LNX2: variants seen among roughly 807,000 people sequenced by gnomAD.
LNX2 encodes ligand of numb-protein X 2, also known as ligand of Numb protein X 2.
In LNX2, 35 loss-of-function variants were observed where a neutral mutation model predicts 66.2. The ratio of observed to expected loss-of-function variants is 0.53; its 90% CI spans 0.40 to 0.70. LNX2 has a LOEUF of 0.70. Among genes scored for constraint, LNX2 ranks in the 30% least tolerant of loss-of-function variants. The pLI, the probability that LNX2 is intolerant of heterozygous loss-of-function variation, is 0.00. For missense variants in LNX2, 791 were observed against 850.8 expected, an observed-to-expected ratio of 0.93 and a Z score of 0.87; for synonymous variants, 337 against 315.6, an observed-to-expected ratio of 1.07 and a Z score of -0.72.
intron 6 of LNX2, among the ~76,000 whole-genome samples, chr13:27,557,106 C>G (rs929194666): frequency 1.3e-5 from 2 of 152,110 alleles, no homozygotes; most frequent in African/African-American, 2.4e-5. Context: ...TAAAACATCA[C>G]TTTTCTTTTG....
At chr13:27,599,581 G>A (rs1418570368) in intron 1 of LNX2, among the ~76,000 whole-genome samples, 1 of 152,116 alleles carries the variant, frequency 6.6e-6, no homozygotes, top group Non-Finnish European at 1.5e-5. Flanking sequence ...ACCAGGTAAA[G>A]GTCAATTAGT....
At chr13:27,572,136 T>TA (rs1955288432) in intron 2 of LNX2, among the ~76,000 whole-genome samples, 1 of 152,214 alleles carries the variant, frequency 6.6e-6, no homozygotes, top group African/African-American at 2.4e-5. Flanking sequence ...GAATTTCTTC[T>TA]AAAAATTTGT....
At chr13:27,565,614 A>G (rs1401086959) in intron 4 of LNX2, among the ~76,000 whole-genome samples, 1 of 152,228 alleles carries the variant, frequency 6.6e-6, no homozygotes, top group Non-Finnish European at 1.5e-5. Flanking sequence ...AGGATAACTA[A>G]ATAGCTAGCT....
chr13:27,560,356 AAAGG>A (rs1257015604), intron 5 of LNX2, among the ~76,000 whole-genome samples: 6 of 152,230 alleles, frequency 3.9e-5, no homozygotes, highest in African/African-American at 1.4e-4. Context: ...AAAGGAAATA[AAAGG>A]AAGAACTGCT....
At position 27,548,455 on chromosome 13, in the gene LNX2, A is replaced by G; in HGVS notation, c.1953T>C (p.Ile651=). The G allele has an allele frequency of 6.2e-7, 1 of 1,613,980 alleles. No individual in the cohort carries two copies. Among genetic ancestry groups the G allele is most frequent in the Non-Finnish European group, 8.5e-7 (1 of 1,179,960 alleles). ...YDGRLKCGDM[I]VAVNGLSTVG... ...CGGTTGACAGCCCATTTACGGCCACAATCATGTCACCACACCTGGACAAAG... is the reference window on the plus strand; with the variant it reads ...CGGTTGACAGCCCATTTACGGCCACGATCATGTCACCACACCTGGACAAAG... Residue 651 remains isoleucine (I), a synonymous_variant, in exon 10 of 10, where the codon ATT becomes ATC. Transcript: ENST00000316334.
intron 4 of LNX2, among the ~76,000 whole-genome samples, chr13:27,567,008 G>GA (rs1025445822): frequency 1.3e-5 from 2 of 152,058 alleles, no homozygotes; most frequent in Non-Finnish European, 2.9e-5. Flanking sequence ...TATTTCTGGA[G>GA]AATACCTGTT....
At chr13:27,584,971 A>G (rs1955465857) in intron 1 of LNX2, among the ~76,000 whole-genome samples, 1 of 151,834 alleles carries the variant, frequency 6.6e-6, no homozygotes, top group Non-Finnish European at 1.5e-5. Flanking sequence ...TATAAAAATT[A>G]GCCGGCTATG....
intron 1 of LNX2, among the ~76,000 whole-genome samples, chr13:27,616,783 T>C (rs1052829697): frequency 6.6e-6 from 1 of 152,224 alleles, no homozygotes; most frequent in Admixed American, 6.5e-5. Context: ...GGAGTCTAGC[T>C]CTATCACCCA....
At position 27,559,855 on chromosome 13, in the gene LNX2, G is replaced by A; in HGVS notation, c.1355C>T (p.Pro452Leu). ...HHTPPPYYSR[P>L]SSHKDLTQCV... is the part of the protein sequence containing the mutation. Reference sequence around the variant, plus strand: ...AAAAATCCTCACCTTATGTGAGCTTGGTCTGCTATAATACGGTGGTGGTGT... The same window carrying A: ...AAAAATCCTCACCTTATGTGAGCTTAGTCTGCTATAATACGGTGGTGGTGT... The change falls in exon 6 of 10, where the codon CCA becomes CTA. Residue 452 changes from proline (P) to leucine (L), a missense_variant. Physicochemically the swap from Pro to Leu is moderately conservative, Grantham distance 98. Coordinates refer to ENST00000316334, the MANE Select transcript of LNX2 (RefSeq NM_153371.4). 6.4e-7 allele frequency: 1 copy of A among 1,571,738 alleles called. No homozygotes were observed. The highest frequency in any genetic ancestry group is 8.6e-7 in the Non-Finnish European group (1 of 1,156,642).
At chr13:27,556,619 G>A (rs1188958045) in intron 6 of LNX2, among the ~76,000 whole-genome samples, 1 of 152,172 alleles carries the variant, frequency 6.6e-6, no homozygotes, top group African/African-American at 2.4e-5. Context: ...TTTCATGACT[G>A]TTTATGTAGC....
intron 1 of LNX2, among the ~76,000 whole-genome samples, chr13:27,596,705 A>T (rs1449977601): frequency 2.0e-5 from 3 of 152,222 alleles, no homozygotes; most frequent in Non-Finnish European, 2.9e-5. Flanking sequence ...AGAAAATCTC[A>T]ATCAAGTGAT....
chr13:27,595,096 C>T (rs1373964912), intron 1 of LNX2, among the ~76,000 whole-genome samples: 1 of 152,194 alleles, frequency 6.6e-6, no homozygotes, highest in Non-Finnish European at 1.5e-5. Context: ...CAATTCTACA[C>T]ATTTGTGCTT....
intron 3 of LNX2, 108 bp downstream of exon 3, chr13:27,568,921 T>C: frequency 8.3e-7 from 1 of 1,202,820 alleles, no homozygotes; most frequent in Non-Finnish European, 1.1e-6. Flanking sequence ...TTTCTGTTTA[T>C]TTTTATTTTT....
chr13:27,594,702 A>G (rs1955578691), intron 1 of LNX2, among the ~76,000 whole-genome samples: 2 of 152,048 alleles, frequency 1.3e-5, no homozygotes, highest in South Asian at 4.1e-4. Context: ...CCGCTTCCTC[A>G]AGGCACGCCT....
In LNX2 at chr13:27,559,911, T is replaced by C. The variant is rs1955109432; in HGVS notation, c.1299A>G (p.Ala433=). 11 of 1,612,434 alleles carry C rather than the reference T, an allele frequency of 6.8e-6. No individual in the cohort carries two copies. The highest frequency in any genetic ancestry group is 9.3e-6 in the Non-Finnish European group (11 of 1,178,786). Residue 433 remains alanine (A), a synonymous_variant, in exon 6 of 10, where the codon GCA becomes GCG. Coordinates refer to ENST00000316334, the MANE Select transcript of LNX2 (RefSeq NM_153371.4). ...KPQPGNTIRE[A]GNHSSSSQHH... is the part of the protein sequence containing the mutation. ...GCTGGCTGCTGCTGCTATGATTTCC[T>C]GCTTCTCTAATGGTGTTACCAGGCT...
At chr13:27,589,143 A>G (rs1414880362) in intron 1 of LNX2, among the ~76,000 whole-genome samples, 1 of 152,268 alleles carries the variant, frequency 6.6e-6, no homozygotes, top group Non-Finnish European at 1.5e-5. Flanking sequence ...TGGAAAAGCA[A>G]AAACTAAAAA....
intron 1 of LNX2, among the ~76,000 whole-genome samples, chr13:27,596,377 G>C (rs1490303475): frequency 6.6e-6 from 1 of 152,070 alleles, no homozygotes; most frequent in East Asian, 1.9e-4. Context: ...CAAATATACA[G>C]TATTAAATTA....
chr13:27,555,070 C>T (rs1159689704), intron 7 of LNX2, among the ~76,000 whole-genome samples: 1 of 152,156 alleles, frequency 6.6e-6, no homozygotes, highest in East Asian at 1.9e-4. Flanking sequence ...CCCACCTCAG[C>T]TCCTAACTGG....
chr13:27,606,261 C>T (rs1955714507), intron 1 of LNX2, among the ~76,000 whole-genome samples: 1 of 151,932 alleles, frequency 6.6e-6, no homozygotes, highest in Non-Finnish European at 1.5e-5. Flanking sequence ...ATTTGCTAGA[C>T]CAAGGCCACC....
Sources: gnomAD v4.1 joint callset for allele counts (sites outside exome capture counted in the v4.1 genomes callset) on GRCh38, gnomAD v4.1.1 for gene constraint, MANE v1.5 for transcripts, NCBI Gene and HGNC (gene_info 2026-07-23, HGNC 2026-07-21) for gene names.